The following COL9A1 variants were observed in gnomAD, a reference collection of about 807,000 sequenced individuals.
COL9A1 encodes the protein collagen alpha-1(IX) chain.
COL9A1 carries 104 observed loss-of-function variants against 142.6 expected under a neutral mutation model. The ratio of observed to expected loss-of-function variants is 0.73; its 90% CI spans 0.62 to 0.86. COL9A1 has a LOEUF of 0.86. Ranked by LOEUF, COL9A1 falls within the 40% of genes least tolerant of loss-of-function variation. The pLI is 0.00. For missense variants in COL9A1, 1,210 were observed against 1,176.6 expected (o/e 1.03, Z -0.42); for synonymous variants, 466 against 396.0 (o/e 1.18, Z -2.10).
chr6:70,221,212 C>T (rs1348750474), intron 37 of COL9A1, among the ~76,000 whole-genome samples: 1 of 152,000 alleles, frequency 6.6e-6, no homozygotes, highest in Non-Finnish European at 1.5e-5. Flanking sequence ...GGCAGCCCCT[C>T]ACCTAATACA....
At chr6:70,283,261 C>A in intron 6 of COL9A1, 1 of 1,436,764 alleles carries the variant, frequency 7.0e-7, no homozygotes, top group Non-Finnish European at 9.1e-7. Flanking sequence ...TGGAGGAGAG[C>A]TAGGGGGCAG....
At chr6:70,256,099 CT>C (rs772190752) in intron 21 of COL9A1, among the ~76,000 whole-genome samples, 16 of 152,296 alleles carry the variant, frequency 1.1e-4, no homozygotes, top group Admixed American at 4.6e-4. Flanking sequence ...AGTGCCACCC[CT>C]GTACTTTGCT....
Position 70,271,635 on chromosome 6 carries a change from A to G in COL9A1, c.1143+20T>C. 1 of 1,611,128 alleles carries G rather than the reference A, an allele frequency of 6.2e-7. No homozygotes were observed. Among genetic ancestry groups the G allele is most frequent in the Non-Finnish European group, 8.5e-7 (1 of 1,177,318 alleles). ...CTATTAAATCAGCAAACGTCTATCA[A>G]AGTGCACTGTGGTACTCACAACAGG... On this transcript the variant is annotated intron_variant, in intron 14 of 37. Transcript: ENST00000357250.
Position 70,302,962 on chromosome 6 carries a change from A to G in COL9A1, c.-38T>C, listed in dbSNP as rs1465647304. 5 of 1,610,346 alleles carry G rather than the reference A, an allele frequency of 3.1e-6. No individual in the cohort carries two copies. The Admixed American group carries it at 5.0e-5, about 16-fold the overall frequency. ...TTTTCTTTGTTTGCCAACAGTCCCT[A>G]TGAAGAAGGGGTTGGAAGGGAGTCA... On this transcript the variant is annotated 5_prime_UTR_variant, in exon 1 of 38. Transcript: ENST00000357250.
intron 1 of COL9A1, 30 bp downstream of exon 1, chr6:70,302,881 C>T (rs552662600): frequency 6.2e-6 from 10 of 1,613,518 alleles, no homozygotes; most frequent in Admixed American, 1.7e-5. Context: ...CTCCATCTCC[C>T]CACCACTCTT....
chr6:70,239,145 A>G, intron 33 of COL9A1, 109 bp downstream of exon 33: 2 of 845,050 alleles, frequency 2.4e-6, no homozygotes, highest in Non-Finnish European at 3.8e-6. Context: ...TCTCAAAAAA[A>G]AAAAGAATTG....
At chr6:70,258,015 C>CT (rs1252859803) in intron 20 of COL9A1, among the ~76,000 whole-genome samples, 1 of 152,148 alleles carries the variant, frequency 6.6e-6, no homozygotes, top group African/African-American at 2.4e-5. Flanking sequence ...TCCAGTCTAC[C>CT]AAGTGATGAC....
At position 70,227,424 on chromosome 6, in the gene COL9A1, T is replaced by TAAAAAAAAAAAAAAAAA. The variant is rs11407353; in HGVS notation, c.2504-1432_2504-1416dup. Among the ~76,000 whole-genome samples, 28 of 50,028 alleles carry TAAAAAAAAAAAAAAAAA rather than the reference T, an allele frequency of 5.6e-4. 3 individuals carry two copies. Among genetic ancestry groups the TAAAAAAAAAAAAAAAAA allele is most frequent in the African/African-American group, 3.0e-3 (27 of 8,864 alleles). 32.8% of individuals were successfully genotyped at this position (50,028 alleles called of 152,430 possible). ...CTCATAACAAAATAAATGCAAATTGTAAAAAAAAAAAAAAAAAAAAAAAAG... is the reference window on the plus strand; with the variant it reads ...CTCATAACAAAATAAATGCAAATTGTAAAAAAAAAAAAAAAAAAAAAAAAAAAAAAAAAAAAAAAAAG... On this transcript the variant is annotated intron_variant, in intron 36 of 37. Coordinates refer to ENST00000357250, the MANE Select transcript of COL9A1 (RefSeq NM_001851.6).
At chr6:70,252,533 C>A (rs988952386) in intron 26 of COL9A1, among the ~76,000 whole-genome samples, 11 of 152,128 alleles carry the variant, frequency 7.2e-5, no homozygotes, top group Non-Finnish European at 1.5e-4. Context: ...TATTAAAGGT[C>A]AAATGTCAAA....
intron 28 of COL9A1, among the ~76,000 whole-genome samples, chr6:70,248,672 G>A (rs1001853623): frequency 3.3e-5 from 5 of 152,134 alleles, no homozygotes; most frequent in Non-Finnish European, 5.9e-5. Flanking sequence ...TAGCAGGTGA[G>A]AAGTCAGTTA....
chr6:70,256,953 C>T (rs1771343081), intron 20 of COL9A1, 132 bp from the exon 21 acceptor site: 1 of 764,074 alleles, frequency 1.3e-6, no homozygotes, highest in Admixed American at 2.3e-5. Flanking sequence ...ACAGTGATCC[C>T]TGAGGAGTAA....
rs34540808 is a variant in COL9A1, at chr6:70,239,138, CA to C, written c.2112+115del. 0.11 allele frequency: 65,786 copies of C among 608,894 alleles called. 1,285 individuals are homozygous for C. Among genetic ancestry groups the C allele is most frequent in the African/African-American group, 0.13 (6,493 of 49,048 alleles). The allele number at this position is 608,894 out of a possible 1,614,324, so 37.7% of individuals were successfully genotyped here. A position where few individuals can be genotyped will look rare whatever the true frequency, so the allele number is the denominator to read the frequency against. On this transcript the variant is annotated intron_variant, in intron 33 of 37. Transcript: ENST00000357250. ...TGGGCGACAGAGTGAGACTCCATCT[CA>C]AAAAAAAAAAGAATTGAATGTTACA...
At position 70,232,679 on chromosome 6, in the gene COL9A1, G is replaced by A. The variant is rs749074294; in HGVS notation, c.2407C>T (p.Pro803Ser). The A allele has an allele frequency of 1.2e-6, 2 of 1,614,026 alleles. No homozygotes were observed. Among genetic ancestry groups the A allele is most frequent in the East Asian group, 2.2e-5 (1 of 44,880 alleles). Residue 803 changes from proline to serine, a missense_variant, in exon 36 of 38, where the codon CCT becomes TCT. Coordinates refer to ENST00000357250, the MANE Select transcript of COL9A1 (RefSeq NM_001851.6). ...CCTGGGAAACCATTCTCTCCAGGAG[G>A]GCCGGGGGGACCAGGAGGGCCAGGC... is the stretch of plus-strand genomic sequence containing the variant. ...GRPGPPGPPG[P>S]PGENGFPGQM...
At chr6:70,247,014 A>C (rs1352123754) in intron 28 of COL9A1, among the ~76,000 whole-genome samples, 1 of 152,228 alleles carries the variant, frequency 6.6e-6, no homozygotes, top group East Asian at 1.9e-4. Flanking sequence ...TCTCATAGTA[A>C]GCATAGTAGA....
chr6:70,285,070 T>C (rs1364301240), intron 5 of COL9A1, among the ~76,000 whole-genome samples: 1 of 152,244 alleles, frequency 6.6e-6, no homozygotes, highest in Non-Finnish European at 1.5e-5. Context: ...CCTATATCTT[T>C]TGTTTCAATA....
At position 70,241,567 on chromosome 6, in the gene COL9A1, G is replaced by A. The variant is rs941217841; in HGVS notation, c.1999-113C>T. The A allele has an allele frequency of 5.7e-6, 5 of 873,410 alleles. No individual in the cohort carries two copies. The African/African-American group carries it at 8.4e-5, about 15-fold the overall frequency. 54.1% of individuals were successfully genotyped at this position (873,410 alleles called of 1,614,324 possible). A position where few individuals can be genotyped will look rare whatever the true frequency, so the allele number is the denominator to read the frequency against. On this transcript the variant is annotated intron_variant, in intron 30 of 37. Transcript: ENST00000357250. Reference sequence around the variant, plus strand: ...CAAGTACGGATAATGTGATGGGAGAGGACGTTCCCACTCCTCACCACCCAA... The same window carrying A: ...CAAGTACGGATAATGTGATGGGAGAAGACGTTCCCACTCCTCACCACCCAA...
At chr6:70,287,783 C>A (rs1387788357) in intron 5 of COL9A1, among the ~76,000 whole-genome samples, 1 of 152,144 alleles carries the variant, frequency 6.6e-6, no homozygotes, top group East Asian at 1.9e-4. Flanking sequence ...CTTATTCTAT[C>A]CTTTTTGAAA....
At chr6:70,291,071 T>C (rs1773641501) in intron 5 of COL9A1, among the ~76,000 whole-genome samples, 1 of 152,084 alleles carries the variant, frequency 6.6e-6, no homozygotes, top group South Asian at 2.1e-4. Context: ...TCTTCAGCAA[T>C]TGTCAGCAAC....
At chr6:70,218,926 A>T (rs1768702220) in intron 37 of COL9A1, among the ~76,000 whole-genome samples, 1 of 152,202 alleles carries the variant, frequency 6.6e-6, no homozygotes, top group Non-Finnish European at 1.5e-5. Context: ...ATAAGCAGAG[A>T]TATAAGTAAT....
Sources: allele counts gnomAD v4.1 joint callset (sites outside exome capture counted in the v4.1 genomes callset), GRCh38; gene constraint gnomAD v4.1.1; transcripts MANE v1.5; gene names NCBI Gene and HGNC (gene_info 2026-07-23, HGNC 2026-07-21).